The following HSPA12A variants were observed in gnomAD, a reference collection of about 807,000 sequenced individuals.
HSPA12A encodes the protein heat shock protein family A (Hsp70) member 12A.
HSPA12A carries 28 observed loss-of-function variants against 69.2 expected under a neutral mutation model. That is an observed-to-expected ratio of 0.40 (90% CI 0.30 to 0.55). The LOEUF is 0.55. Ranked by LOEUF, HSPA12A falls within the 20% of genes least tolerant of loss-of-function variation. HSPA12A has a pLI of 0.38. For synonymous variants in HSPA12A, 345 were observed against 370.5 expected, an observed-to-expected ratio of 0.93 and a Z score of 0.79; for missense variants, 686 against 900.7, an observed-to-expected ratio of 0.76 and a Z score of 3.05.
intron 1 of HSPA12A, among the ~76,000 whole-genome samples, chr10:116,847,783 T>C (rs938605872): frequency 2.0e-4 from 30 of 152,100 alleles, no homozygotes; most frequent in Non-Finnish European, 4.4e-5. Flanking sequence ...GGCAAATGGG[T>C]TATAGGGTTA....
intron 2 of HSPA12A, among the ~76,000 whole-genome samples, chr10:116,789,872 C>T (rs1232040395): frequency 1.3e-5 from 2 of 152,198 alleles, no homozygotes; most frequent in African/African-American, 4.8e-5. Context: ...TCACCGGATG[C>T]CCAGACGTCC....
At chr10:116,690,210 C>T (rs1849697845) in intron 6 of HSPA12A, among the ~76,000 whole-genome samples, 1 of 152,148 alleles carries the variant, frequency 6.6e-6, no homozygotes, top group African/African-American at 2.4e-5. Flanking sequence ...GCAAAGTCTG[C>T]AGAGCAACTG....
chr10:116,795,901 C>A (rs1290600460), intron 2 of HSPA12A, among the ~76,000 whole-genome samples: 1 of 151,060 alleles, frequency 6.6e-6, no homozygotes, highest in Non-Finnish European at 1.5e-5. Context: ...AATCCTAGCA[C>A]TTTGGGAGGC....
chr10:116,753,716 A>G (rs1554888541), intron 2 of HSPA12A, among the ~76,000 whole-genome samples: 1 of 152,214 alleles, frequency 6.6e-6, no homozygotes. Flanking sequence ...AGAGTCTGAA[A>G]GTAAAGTAAG....
At chr10:116,681,661 T>G (rs1215779977) in intron 8 of HSPA12A, 130 bp downstream of exon 8, 1 of 717,214 alleles carries the variant, frequency 1.4e-6, no homozygotes, top group East Asian at 2.6e-5. Context: ...GAGCTCTCCC[T>G]GCATGAGTGG....
chr10:116,720,678 C>T (rs1850749256), intron 1 of HSPA12A, among the ~76,000 whole-genome samples: 1 of 152,230 alleles, frequency 6.6e-6, no homozygotes, highest in South Asian at 2.1e-4. Context: ...TTCTGCAGAC[C>T]CACCTTTGAC....
At chr10:116,796,004 C>T (rs1307951355) in intron 2 of HSPA12A, among the ~76,000 whole-genome samples, 2 of 150,686 alleles carry the variant, frequency 1.3e-5, no homozygotes, top group Non-Finnish European at 3.0e-5. Flanking sequence ...AAAAATTAGC[C>T]GGGCGTGGTG....
chr10:116,676,287 C>T, intron 11 of HSPA12A, 112 bp downstream of exon 11: 1 of 863,398 alleles, frequency 1.2e-6, no homozygotes, highest in Non-Finnish European at 1.9e-6. Flanking sequence ...TTGCCTGTGG[C>T]TCCCAGATCC....
At chr10:116,837,543 A>C (rs1014366888) in intron 1 of HSPA12A, among the ~76,000 whole-genome samples, 5 of 152,194 alleles carry the variant, frequency 3.3e-5, no homozygotes, top group Non-Finnish European at 7.3e-5. Context: ...TATGGCAATA[A>C]ATCTGAAAAA....
exon 1 of HSPA12A, chr10:116,849,673 T>C: frequency 3.9e-6 from 6 of 1,549,752 alleles, no homozygotes; most frequent in Non-Finnish European, 5.2e-6. Flanking sequence ...CCGCGCAGGC[T>C]GGAAGAGCTG....
chr10:116,686,220 C>T lies in HSPA12A; in HGVS notation c.664-2258G>A, dbSNP rs868926973. The stretch of plus-strand genomic sequence containing the variant: ...GTGGCTCTCACACGTATGGTGCCCT[C>T]GGGAAAGGTGAAACCTCTGAGCCTG... On this transcript the variant is annotated intron_variant, in intron 6 of 11. Coordinates refer to ENST00000369209, the MANE Select transcript of HSPA12A (RefSeq NM_025015.3). The surrounding 1 kb of genome is among the most constrained non-coding windows in gnomAD (Gnocchi z 4.1). Among the ~76,000 whole-genome samples the T allele has an allele frequency of 3.9e-5, 6 of 152,102 alleles. No homozygotes were observed. The highest frequency in any genetic ancestry group is 1.9e-4 in the East Asian group (1 of 5,176).
chr10:116,772,676 T>G (rs1336109004), intron 2 of HSPA12A, among the ~76,000 whole-genome samples: 1 of 151,904 alleles, frequency 6.6e-6, no homozygotes, highest in Non-Finnish European at 1.5e-5. Context: ...TATCTTTATT[T>G]TATTTATTTG....
At chr10:116,695,587 C>T (rs1022380006) in intron 5 of HSPA12A, among the ~76,000 whole-genome samples, 5 of 151,860 alleles carry the variant, frequency 3.3e-5, no homozygotes, top group East Asian at 3.9e-4. Context: ...GAGGCCGAGG[C>T]GGGCGGATCA....
intron 10 of HSPA12A, 144 bp from the exon 11 acceptor site, chr10:116,676,646 A>G (rs1849246141): frequency 1.6e-6 from 1 of 630,692 alleles, no homozygotes; most frequent in Non-Finnish European, 2.8e-6. Context: ...CACCTTTGGA[A>G]ACCCTAAACT....
rs782017109 is a variant in HSPA12A at position 116,698,637 on chromosome 10, T to C, written c.544A>G (p.Lys182Glu). ...ALQYFKEQAL[K>E]ELSDQAGSEF... ...CTGGCCTCAACTATCAGTCCTACCTTCAGCGCCTGCTCCTTAAAGTACTGC... is the reference window on the plus strand; with the variant it reads ...CTGGCCTCAACTATCAGTCCTACCTCCAGCGCCTGCTCCTTAAAGTACTGC... The change falls in exon 5 of 12, where the codon AAG becomes GAG. Residue 182 changes from lysine to glutamate, a missense_variant and splice_region_variant. Coordinates refer to ENST00000369209, the MANE Select transcript of HSPA12A (RefSeq NM_025015.3). The C allele has an allele frequency of 6.2e-7, 1 of 1,611,668 alleles. No homozygotes were observed. Among genetic ancestry groups the C allele is most frequent in the South Asian group, 1.1e-5 (1 of 90,990 alleles).
chr10:116,805,288 C>T (rs988851933), intron 2 of HSPA12A, among the ~76,000 whole-genome samples: 6 of 152,100 alleles, frequency 3.9e-5, no homozygotes, highest in African/African-American at 1.4e-4. Flanking sequence ...TGCACTCCAG[C>T]CTGGGCGACA....
chr10:116,791,255 G>A (rs1054259226), intron 2 of HSPA12A, among the ~76,000 whole-genome samples: 4 of 152,306 alleles, frequency 2.6e-5, no homozygotes, highest in Middle Eastern at 3.4e-3. Context: ...TCTCCCAACT[G>A]CTCCCAAAGG....
intron 1 of HSPA12A, among the ~76,000 whole-genome samples, chr10:116,727,516 T>C (rs1851006551): frequency 1.3e-5 from 2 of 152,164 alleles, no homozygotes; most frequent in South Asian, 2.1e-4. Context: ...TAGGAGGAGA[T>C]GACACAAGGG....
At chr10:116,761,822 A>G (rs1336923665) in intron 2 of HSPA12A, among the ~76,000 whole-genome samples, 1 of 152,130 alleles carries the variant, frequency 6.6e-6, no homozygotes, top group Non-Finnish European at 1.5e-5. Context: ...TATCAGGAAT[A>G]TGAGAAAATG....
Sources: gnomAD v4.1 joint callset for allele counts (sites outside exome capture counted in the v4.1 genomes callset) on GRCh38, gnomAD v4.1.1 for gene constraint, Gnocchi (gnomAD v3.1) non-coding constraint, MANE v1.5 for transcripts, NCBI Gene and HGNC (gene_info 2026-07-23, HGNC 2026-07-21) for gene names.